The following SORCS1 variants were observed in gnomAD, a reference collection of about 807,000 sequenced individuals.
SORCS1 encodes VPS10 domain-containing receptor SorCS1.
In SORCS1, 60 loss-of-function variants were observed where a neutral mutation model predicts 146.1. That is an observed-to-expected ratio of 0.41 (90% CI 0.33 to 0.51). SORCS1 has a LOEUF of 0.51. Among genes scored for constraint, SORCS1 ranks in the 20% least tolerant of loss-of-function variants. SORCS1 has a pLI of 0.21. For synonymous variants in SORCS1, 637 were observed against 584.0 expected (o/e 1.09, Z -1.31); for missense variants, 1,352 against 1,487.6 (o/e 0.91, Z 1.50).
At chr10:107,144,451 T>C (rs561320214) in intron 1 of SORCS1, among the ~76,000 whole-genome samples, 1 of 152,356 alleles carries the variant, frequency 6.6e-6, no homozygotes, top group South Asian at 2.1e-4. Context: ...TCCTTCCTCC[T>C]GTAACTCTTT....
At chr10:106,787,801 G>A (rs1007651683) in intron 3 of SORCS1, among the ~76,000 whole-genome samples, 1 of 152,090 alleles carries the variant, frequency 6.6e-6, no homozygotes, top group Non-Finnish European at 1.5e-5. Context: ...CTAATCAAGG[G>A]GCTACCATGA....
rs770388999 is a variant in SORCS1, at chr10:106,699,204, C to A, written c.1413+10G>T. ...CTGTGGCTTAGGACCACATATGCCTCGTGACATACCTCATAGAGGTCGATC... is the reference window on the plus strand; with the variant it reads ...CTGTGGCTTAGGACCACATATGCCTAGTGACATACCTCATAGAGGTCGATC... On this transcript the variant is annotated intron_variant, in intron 9 of 25. Transcript: ENST00000263054. 1.6e-5 allele frequency: 25 copies of A among 1,602,220 alleles called. No individual in the cohort carries two copies. Among genetic ancestry groups the A allele is most frequent in the Non-Finnish European group, 2.1e-5 (25 of 1,174,316 alleles).
intron 1 of SORCS1, among the ~76,000 whole-genome samples, chr10:107,108,550 C>T (rs1965463771): frequency 6.6e-6 from 1 of 152,176 alleles, no homozygotes; most frequent in Non-Finnish European, 1.5e-5. Flanking sequence ...ACCCTTATGA[C>T]TCAAATACCT....
intron 1 of SORCS1, among the ~76,000 whole-genome samples, chr10:106,967,374 G>C (rs188960973): frequency 1.4e-3 from 218 of 151,754 alleles, no homozygotes; most frequent in Admixed American, 2.8e-3. Flanking sequence ...AGGAAAATAA[G>C]GGAGATGCTA....
intron 1 of SORCS1, among the ~76,000 whole-genome samples, chr10:107,105,539 G>C (rs1455559598): frequency 6.6e-6 from 1 of 152,144 alleles, no homozygotes; most frequent in Admixed American, 6.5e-5. Flanking sequence ...AGTGCCCCTG[G>C]CAAATCACTG....
At chr10:106,649,011 C>T (rs893725505) in intron 18 of SORCS1, among the ~76,000 whole-genome samples, 2 of 152,052 alleles carry the variant, frequency 1.3e-5, no homozygotes, top group Non-Finnish European at 2.9e-5. Flanking sequence ...CACTGAGTGG[C>T]CGGACTCCAG....
chr10:107,128,175 G>A (rs552628223), intron 1 of SORCS1, among the ~76,000 whole-genome samples: 16 of 152,184 alleles, frequency 1.1e-4, no homozygotes, highest in Admixed American at 3.3e-4. Flanking sequence ...TTCTACTTAG[G>A]AAATTTAAGT....
chr10:106,702,490 A>T (rs1854205512), intron 8 of SORCS1, among the ~76,000 whole-genome samples: 1 of 152,186 alleles, frequency 6.6e-6, no homozygotes, highest in Non-Finnish European at 1.5e-5. Flanking sequence ...CACTTCTCCC[A>T]AGACTTTATT....
intron 24 of SORCS1, among the ~76,000 whole-genome samples, chr10:106,587,416 G>C (rs560836247): frequency 1.9e-4 from 29 of 152,338 alleles, no homozygotes; most frequent in South Asian, 4.1e-4. Flanking sequence ...CATCCATAAT[G>C]TTGTGGCTGA....
At chr10:106,963,647 A>C (rs1955364476) in intron 1 of SORCS1, among the ~76,000 whole-genome samples, 1 of 151,622 alleles carries the variant, frequency 6.6e-6, no homozygotes, top group Non-Finnish European at 1.5e-5. Context: ...TAACTTTAAT[A>C]ATATTACTCA....
intron 1 of SORCS1, among the ~76,000 whole-genome samples, chr10:106,986,511 CGTGTGTGTGTGTGTGTGTGTGT>C (rs58888609): frequency 0.23 from 33,750 of 148,400 alleles, 4,543 homozygotes; most frequent in Middle Eastern, 0.34. Flanking sequence ...TATATACAAC[CGTGTGTGTGTGTGTGTGTGTGT>C]GTGTGTGTGT....
intron 24 of SORCS1, among the ~76,000 whole-genome samples, chr10:106,582,462 G>T (rs1844980492): frequency 6.6e-6 from 1 of 152,186 alleles, no homozygotes; most frequent in Admixed American, 6.5e-5. Flanking sequence ...TCCGTGGGTG[G>T]TGTCTGCTTG....
chr10:106,605,319 C>T (rs1846499710), intron 23 of SORCS1, among the ~76,000 whole-genome samples: 1 of 152,148 alleles, frequency 6.6e-6, no homozygotes, highest in African/African-American at 2.4e-5. Context: ...GAATGGACCC[C>T]TCTTCTTTCC....
chr10:106,686,068 C>A (rs147349863), intron 10 of SORCS1, among the ~76,000 whole-genome samples: 1 of 152,006 alleles, frequency 6.6e-6, no homozygotes, highest in Non-Finnish European at 1.5e-5. Flanking sequence ...CTCTTAAAAT[C>A]GGTATGTAAG....
At chr10:107,107,727 A>G (rs2134429661) in intron 1 of SORCS1, among the ~76,000 whole-genome samples, 1 of 152,326 alleles carries the variant, frequency 6.6e-6, no homozygotes, top group Non-Finnish European at 1.5e-5. Flanking sequence ...CCATTTTGAG[A>G]GGGCCAACTC....
chr10:106,977,655 G>A (rs1327667753), intron 1 of SORCS1, among the ~76,000 whole-genome samples: 1 of 148,386 alleles, frequency 6.7e-6, no homozygotes, highest in Non-Finnish European at 1.5e-5. Flanking sequence ...TCTTGTGCTA[G>A]GACAGCACCT....
At chr10:106,803,708 A>C (rs950518044) in intron 3 of SORCS1, among the ~76,000 whole-genome samples, 1 of 152,188 alleles carries the variant, frequency 6.6e-6, no homozygotes, top group Non-Finnish European at 1.5e-5. Flanking sequence ...CATTCTTTGA[A>C]GGTTATGAAC....
chr10:106,805,024 A>C (rs1285991371), intron 3 of SORCS1, among the ~76,000 whole-genome samples: 1 of 152,016 alleles, frequency 6.6e-6, no homozygotes. Flanking sequence ...CATTTGTATC[A>C]ACCTCAGAAC....
At chr10:107,075,375 C>T (rs1031025381) in intron 1 of SORCS1, among the ~76,000 whole-genome samples, 6 of 152,148 alleles carry the variant, frequency 3.9e-5, no homozygotes, top group Admixed American at 3.3e-4. Flanking sequence ...AAACAAAGGT[C>T]TTCTATGATG....
Sources: allele counts gnomAD v4.1 joint callset (sites outside exome capture counted in the v4.1 genomes callset), GRCh38; gene constraint gnomAD v4.1.1; transcripts MANE v1.5; gene names NCBI Gene and HGNC (gene_info 2026-07-23, HGNC 2026-07-21).